Variants in BNC2 observed in about 807,000 individuals in gnomAD.
BNC2 encodes the protein basonuclin zinc finger protein 2, also known as zinc finger protein basonuclin-2.
In BNC2, 20 loss-of-function variants were observed where a neutral mutation model predicts 76.3. That is an observed-to-expected ratio of 0.26 (90% CI 0.18 to 0.38). The LOEUF (loss-of-function observed/expected upper bound fraction) is 0.38. Among genes scored for constraint, BNC2 ranks in the 10% least tolerant of loss-of-function variants. The pLI is 1.00. For missense variants in BNC2, 1,382 were observed against 1,399.8 expected, an observed-to-expected ratio of 0.99 and a Z score of 0.20; for synonymous variants, 582 against 514.8, an observed-to-expected ratio of 1.13 and a Z score of -1.77.
At position 16,655,563 on chromosome 9, in the gene BNC2, C is replaced by T. The variant is rs548353934; in HGVS notation, c.330+72234G>A. ...ATCCAGGAATAAAAAAAGTCCCTAG[C>T]ACAAAACAAAATTCAAGCATTACTG... On this transcript the variant is annotated intron_variant, in intron 3 of 6. Coordinates refer to ENST00000380672, the MANE Select transcript of BNC2 (RefSeq NM_017637.6). Among the ~76,000 whole-genome samples, 251 of 152,196 alleles carry T rather than the reference C, an allele frequency of 1.6e-3. 2 individuals are homozygous for T. In the Middle Eastern group the frequency reaches 0.031, roughly 19 times the overall value.
At chr9:16,426,017 G>C (rs1820798317) in intron 6 of BNC2, among the ~76,000 whole-genome samples, 1 of 152,216 alleles carries the variant, frequency 6.6e-6, no homozygotes, top group Admixed American at 6.5e-5. Context: ...TGTAATGTGA[G>C]ATGAGTGTTA....
At chr9:16,555,301 G>A (rs913436371) in intron 4 of BNC2, among the ~76,000 whole-genome samples, 8 of 152,118 alleles carry the variant, frequency 5.3e-5, no homozygotes, top group African/African-American at 1.9e-4. Flanking sequence ...GGGATTACAG[G>A]CATGAGCCAC....
At chr9:16,833,927 T>G (rs113457955) in intron 1 of BNC2, among the ~76,000 whole-genome samples, 10 of 152,200 alleles carry the variant, frequency 6.6e-5, no homozygotes, top group African/African-American at 2.4e-4. Flanking sequence ...TGTCCACACC[T>G]CCAATGTCCC....
rs139770963 is a variant in BNC2 at position 16,860,871 on chromosome 9, C to G, written c.3+9775G>C. Among the ~76,000 whole-genome samples the G allele has an allele frequency of 6.1e-4, 92 of 151,868 alleles. 1 individual carries two copies. Among genetic ancestry groups the G allele is most frequent in the East Asian group, 5.5e-3 (28 of 5,124 alleles). ...GACCAGCCTGGCCAACATAGAGAAA[C>G]CCTATCTCCACTAAAAATACAAAAA... On this transcript the variant is annotated intron_variant, in intron 1 of 6. Transcript: ENST00000380672.
In BNC2 at chr9:16,857,958, G is replaced by A. The variant is rs144418290; in HGVS notation, c.3+12688C>T. Among the ~76,000 whole-genome samples, 764 of 152,298 alleles carry A rather than the reference G, an allele frequency of 5.0e-3. 8 individuals carry two copies. Among genetic ancestry groups the A allele is most frequent in the Non-Finnish European group, 7.2e-3 (488 of 68,026 alleles). ...TCTCAAGTTTCTCTAATTCAACGAT[G>A]AGGTATTTTAATTACAAAATTTGCC... On this transcript the variant is annotated intron_variant, in intron 1 of 6. Transcript: ENST00000380672.
intron 5 of BNC2, among the ~76,000 whole-genome samples, chr9:16,504,674 C>T (rs575434358): frequency 2.0e-5 from 3 of 152,168 alleles, no homozygotes; most frequent in East Asian, 1.9e-4. Flanking sequence ...TCTCATCCTG[C>T]GCTAACAAAT....
At chr9:16,845,127 G>A (rs143107102) in intron 1 of BNC2, among the ~76,000 whole-genome samples, 1 of 152,140 alleles carries the variant, frequency 6.6e-6, no homozygotes, top group African/African-American at 2.4e-5. Flanking sequence ...ACCTTCCCAG[G>A]CACTGCCAGG....
intron 3 of BNC2, among the ~76,000 whole-genome samples, chr9:16,669,958 T>A (rs998447315): frequency 3.9e-5 from 6 of 152,212 alleles, no homozygotes; most frequent in Non-Finnish European, 7.3e-5. Context: ...ATGACTCCAA[T>A]AAAAATATGT....
chr9:16,455,167 A>T (rs1476964401), intron 5 of BNC2, among the ~76,000 whole-genome samples: 2 of 152,214 alleles, frequency 1.3e-5, no homozygotes, highest in African/African-American at 4.8e-5. Context: ...CAATGGTGAA[A>T]CTGAATATTA....
At chr9:16,798,851 A>G (rs1035999020) in intron 1 of BNC2, among the ~76,000 whole-genome samples, 10 of 152,188 alleles carry the variant, frequency 6.6e-5, no homozygotes, top group Non-Finnish European at 1.3e-4. Context: ...ACGCACAAGT[A>G]ATGGCAACAA....
intron 5 of BNC2, among the ~76,000 whole-genome samples, chr9:16,485,525 G>A (rs2131573490): frequency 6.6e-6 from 1 of 152,320 alleles, no homozygotes; most frequent in East Asian, 1.9e-4. Context: ...ACCCAGTCAA[G>A]GGATCATATA....
intron 5 of BNC2, among the ~76,000 whole-genome samples, chr9:16,448,900 T>C (rs907048777): frequency 7.2e-5 from 11 of 152,172 alleles, no homozygotes; most frequent in Admixed American, 1.3e-4. Flanking sequence ...CACATACACA[T>C]GTGTGTATAA....
At chr9:16,685,817 T>C (rs1822961839) in intron 3 of BNC2, among the ~76,000 whole-genome samples, 1 of 152,182 alleles carries the variant, frequency 6.6e-6, no homozygotes, top group African/African-American at 2.4e-5. Flanking sequence ...GTTTATTAAC[T>C]ACCAGAAGGT....
intron 3 of BNC2, among the ~76,000 whole-genome samples, chr9:16,596,766 T>C (rs1382394293): frequency 6.6e-6 from 1 of 152,176 alleles, no homozygotes. Flanking sequence ...GCCTTTACCC[T>C]GTGATTGTGA....
At chr9:16,755,336 T>TG (rs1351391993) in intron 1 of BNC2, among the ~76,000 whole-genome samples, 8 of 151,860 alleles carry the variant, frequency 5.3e-5, no homozygotes, top group Non-Finnish European at 1.0e-4. Flanking sequence ...AAGGAGGCTG[T>TG]GGGGGGACAC....
chr9:16,675,391 C>T (rs1822609571), intron 3 of BNC2, among the ~76,000 whole-genome samples: 1 of 152,010 alleles, frequency 6.6e-6, no homozygotes, highest in African/African-American at 2.4e-5. Context: ...ATAGCTGGGA[C>T]TACAAGCACA....
intron 4 of BNC2, among the ~76,000 whole-genome samples, chr9:16,578,498 T>G (rs976849307): frequency 6.6e-6 from 1 of 152,086 alleles, no homozygotes; most frequent in Non-Finnish European, 1.5e-5. Flanking sequence ...CAAGGGAGAA[T>G]AGTAAGTAGG....
At chr9:16,427,880 C>T (rs533029543) in intron 6 of BNC2, among the ~76,000 whole-genome samples, 2 of 152,262 alleles carry the variant, frequency 1.3e-5, no homozygotes, top group East Asian at 3.9e-4. Flanking sequence ...TTGCTGAGAA[C>T]AAGAAAGTCC....
chr9:16,616,008 T>G (rs544451567), intron 3 of BNC2, among the ~76,000 whole-genome samples: 22 of 152,190 alleles, frequency 1.4e-4, no homozygotes, highest in Non-Finnish European at 2.6e-4. Flanking sequence ...TCACATTTGT[T>G]CAATTCCATT....
Sources: allele counts gnomAD v4.1 joint callset (sites outside exome capture counted in the v4.1 genomes callset), GRCh38; gene constraint gnomAD v4.1.1; transcripts MANE v1.5; gene names NCBI Gene and HGNC (gene_info 2026-07-23, HGNC 2026-07-21).